STXBP5L: variants seen among roughly 807,000 people sequenced by gnomAD.
The protein encoded by STXBP5L is syntaxin-binding protein 5-like.
A neutral mutation model predicts 144.5 loss-of-function variants in STXBP5L; 65 were observed. The observed-to-expected ratio is 0.45, with a 90% CI of 0.37 to 0.55. The LOEUF (loss-of-function observed/expected upper bound fraction) is 0.55, where lower values mean the gene tolerates loss of function less well. Among genes scored for constraint, STXBP5L ranks in the 20% least tolerant of loss-of-function variants. STXBP5L has a pLI of 0.00. For synonymous variants in STXBP5L, 505 were observed against 469.6 expected (o/e 1.08, Z -0.97); for missense variants, 1,298 against 1,405.5 (o/e 0.92, Z 1.22).
chr3:121,056,345 G>T (rs1258148543), intron 5 of STXBP5L, among the ~76,000 whole-genome samples: 1 of 151,940 alleles, frequency 6.6e-6, no homozygotes, highest in South Asian at 2.1e-4. Context: ...TTCAAATGTA[G>T]GCTACGATAT....
intron 7 of STXBP5L, among the ~76,000 whole-genome samples, chr3:121,127,261 C>A (rs1191282728): frequency 2.6e-5 from 4 of 151,994 alleles, no homozygotes; most frequent in East Asian, 3.9e-4. Context: ...AAAGTCAGAG[C>A]CCTGATAAGG....
chr3:120,996,879 T>A (rs961237792), intron 3 of STXBP5L, among the ~76,000 whole-genome samples: 2 of 152,154 alleles, frequency 1.3e-5, no homozygotes, highest in African/African-American at 4.8e-5. Flanking sequence ...TCATGGGGAT[T>A]TGGTCTACAG....
intron 3 of STXBP5L, among the ~76,000 whole-genome samples, chr3:120,989,068 C>T (rs1005627111): frequency 3.3e-5 from 5 of 152,012 alleles, no homozygotes; most frequent in Admixed American, 6.6e-5. Context: ...TACTATCCAT[C>T]GATAGACACT....
intron 19 of STXBP5L, among the ~76,000 whole-genome samples, chr3:121,303,889 G>T (rs1300071501): frequency 1.3e-5 from 2 of 151,996 alleles, no homozygotes; most frequent in Non-Finnish European, 2.9e-5. Context: ...GGGGTGGGGG[G>T]AGTGGGGAGG....
chr3:121,394,517 G>C (rs2046676507), intron 22 of STXBP5L, among the ~76,000 whole-genome samples: 1 of 148,684 alleles, frequency 6.7e-6, no homozygotes, highest in Admixed American at 6.7e-5. Flanking sequence ...ACATTTCCCT[G>C]TTCAGTATGA....
chr3:121,356,583 A>C (rs1302115904), intron 20 of STXBP5L, among the ~76,000 whole-genome samples: 7 of 152,188 alleles, frequency 4.6e-5, no homozygotes, highest in Non-Finnish European at 8.8e-5. Context: ...CCATTTTTCC[A>C]GGTACAGTCT....
intron 20 of STXBP5L, among the ~76,000 whole-genome samples, chr3:121,335,805 C>G (rs1245591667): frequency 6.6e-6 from 1 of 152,118 alleles, no homozygotes; most frequent in Non-Finnish European, 1.5e-5. Flanking sequence ...AAACCCAAAA[C>G]TATAAAAACC....
At chr3:121,094,857 C>A (rs963846084) in intron 5 of STXBP5L, among the ~76,000 whole-genome samples, 5 of 152,068 alleles carry the variant, frequency 3.3e-5, no homozygotes, top group East Asian at 1.9e-4. Flanking sequence ...GATGCAGTTT[C>A]TTCCTAGTCT....
intron 5 of STXBP5L, among the ~76,000 whole-genome samples, chr3:121,103,613 T>G (rs907357228): frequency 7.9e-5 from 12 of 152,164 alleles, no homozygotes; most frequent in African/African-American, 2.9e-4. Context: ...GCAGCACACC[T>G]ATACATGTAC....
rs58479244 is a variant in STXBP5L, at chr3:121,009,876, A to G, written c.288-31824A>G. ...TGAATGATGAATGTTCCCTATGCAG[A>G]CATCATGGCCTTGCTCAAGAACTCG... On this transcript the variant is annotated intron_variant, in intron 3 of 26. Coordinates refer to ENST00000471454, the MANE Select transcript of STXBP5L (RefSeq NM_001308330.2). Among the ~76,000 whole-genome samples the G allele has an allele frequency of 3.3e-4, 50 of 152,054 alleles. 1 individual carries two copies. The East Asian group carries it at 8.7e-3, about 27-fold the overall frequency.
At chr3:121,211,976 G>A in intron 10 of STXBP5L, among the ~76,000 whole-genome samples, 1 of 152,212 alleles carries the variant, frequency 6.6e-6, no homozygotes, top group Middle Eastern at 3.4e-3. Context: ...GTGTTGATGA[G>A]CTTTTTTTCA....
intron 5 of STXBP5L, among the ~76,000 whole-genome samples, chr3:121,062,044 A>G (rs1405422157): frequency 6.6e-6 from 1 of 152,130 alleles, no homozygotes; most frequent in African/African-American, 2.4e-5. Flanking sequence ...TAGTTGATGT[A>G]GTTTCTTCGT....
At chr3:121,173,199 G>A (rs1559823085) in intron 9 of STXBP5L, among the ~76,000 whole-genome samples, 1 of 151,992 alleles carries the variant, frequency 6.6e-6, no homozygotes, top group African/African-American at 2.4e-5. Flanking sequence ...GGCTAGCAGA[G>A]GGATAGCATT....
intron 3 of STXBP5L, among the ~76,000 whole-genome samples, chr3:121,029,548 T>G (rs1946210238): frequency 6.6e-6 from 1 of 152,154 alleles, no homozygotes; most frequent in South Asian, 2.1e-4. Flanking sequence ...GATTAAAGAC[T>G]TAAACGTAAG....
intron 3 of STXBP5L, among the ~76,000 whole-genome samples, chr3:121,011,598 G>C (rs1251693657): frequency 2.0e-5 from 3 of 151,354 alleles, no homozygotes; most frequent in African/African-American, 4.9e-5. Flanking sequence ...TTAGAATGCT[G>C]TAACAAAGTC....
At chr3:121,130,364 C>T (rs1001290667) in intron 7 of STXBP5L, among the ~76,000 whole-genome samples, 2 of 152,020 alleles carry the variant, frequency 1.3e-5, no homozygotes, top group South Asian at 4.1e-4. Flanking sequence ...ATTATATTCA[C>T]TGAGTCATAA....
intron 8 of STXBP5L, among the ~76,000 whole-genome samples, chr3:121,156,492 G>T (rs943675733): frequency 6.6e-6 from 1 of 151,838 alleles, no homozygotes; most frequent in Non-Finnish European, 1.5e-5. Context: ...CCCAAGTTCT[G>T]TATGTACTTT....
intron 6 of STXBP5L, among the ~76,000 whole-genome samples, chr3:121,115,961 G>C (rs958847724): frequency 6.6e-6 from 1 of 152,076 alleles, no homozygotes. Context: ...AGGGGATGGT[G>C]CTAAACCATT....
intron 18 of STXBP5L, among the ~76,000 whole-genome samples, chr3:121,265,440 C>T (rs751656764): frequency 3.9e-5 from 6 of 152,182 alleles, no homozygotes; most frequent in South Asian, 2.1e-4. Context: ...ACAGACACAA[C>T]GTACCAGAAT....
Sources: allele counts gnomAD v4.1 joint callset (sites outside exome capture counted in the v4.1 genomes callset), GRCh38; gene constraint gnomAD v4.1.1; transcripts MANE v1.5; gene names NCBI Gene and HGNC (gene_info 2026-07-23, HGNC 2026-07-21).